FHIP1A: variants seen among roughly 807,000 people sequenced by gnomAD.
The protein encoded by FHIP1A is FHF complex subunit HOOK interacting protein 1A.
Under a neutral mutation model 88.6 loss-of-function variants are expected in FHIP1A, and 61 were observed. That is an observed-to-expected ratio of 0.69 (90% CI 0.56 to 0.85). The LOEUF is 0.85. Ranked by LOEUF, FHIP1A falls within the 40% of genes least tolerant of loss-of-function variation. The pLI, the probability that FHIP1A is intolerant of heterozygous loss-of-function variation, is 0.00. For synonymous variants in FHIP1A, 478 were observed against 496.0 expected (o/e 0.96, Z 0.48); for missense variants, 1,154 against 1,273.5 (o/e 0.91, Z 1.43).
intron 4 of FHIP1A, among the ~76,000 whole-genome samples, chr4:151,568,260 A>G (rs944653574): frequency 2.0e-5 from 3 of 152,232 alleles, no homozygotes; most frequent in African/African-American, 7.2e-5. Flanking sequence ...AGTGCAGACA[A>G]GTCTTGAGTT....
chr4:151,650,614 G>C, intron 11 of FHIP1A, 22 bp downstream of exon 11: 7 of 1,529,528 alleles, frequency 4.6e-6, no homozygotes, highest in Non-Finnish European at 6.2e-6. Flanking sequence ...AAATTGCTTT[G>C]TGGTTTCTGC....
intron 3 of FHIP1A, among the ~76,000 whole-genome samples, chr4:151,513,586 C>T (rs1580653425): frequency 6.6e-6 from 1 of 151,362 alleles, no homozygotes. Flanking sequence ...CACATAGGCT[C>T]AAAATAAAAG....
intron 7 of FHIP1A, among the ~76,000 whole-genome samples, chr4:151,603,324 AAGAG>A (rs1560793959): frequency 6.6e-6 from 1 of 151,856 alleles, no homozygotes; most frequent in African/African-American, 2.4e-5. Flanking sequence ...AAAAAAAAAA[AAGAG>A]AGATTGTAAA....
chr4:151,556,678 C>G (rs1211587760), intron 3 of FHIP1A, among the ~76,000 whole-genome samples: 1 of 152,096 alleles, frequency 6.6e-6, no homozygotes, highest in African/African-American at 2.4e-5. Flanking sequence ...TTGGCATTAT[C>G]TGCCCCCTTA....
chr4:151,589,820 T>C (rs1007368206), intron 7 of FHIP1A, among the ~76,000 whole-genome samples: 1 of 152,214 alleles, frequency 6.6e-6, no homozygotes, highest in African/African-American at 2.4e-5. Flanking sequence ...TGTTCATCCT[T>C]TACTATTTAG....
intron 2 of FHIP1A, among the ~76,000 whole-genome samples, chr4:151,472,102 TC>T (rs1373614192): frequency 1.3e-5 from 2 of 152,178 alleles, no homozygotes; most frequent in Non-Finnish European, 2.9e-5. Flanking sequence ...AGTTGTATAC[TC>T]CTTTGTCTGG....
At chr4:151,585,846 A>G (rs1734189698) in intron 5 of FHIP1A, among the ~76,000 whole-genome samples, 1 of 152,136 alleles carries the variant, frequency 6.6e-6, no homozygotes, top group Non-Finnish European at 1.5e-5. Flanking sequence ...TTTTGGATTA[A>G]TGCCAGACCG....
chr4:151,630,520 A>G (rs1331685194), intron 8 of FHIP1A, among the ~76,000 whole-genome samples: 2 of 152,184 alleles, frequency 1.3e-5, no homozygotes, highest in Non-Finnish European at 2.9e-5. Flanking sequence ...TAATATTTCT[A>G]TATTTCACTA....
At chr4:151,547,518 G>A (rs1223189022) in intron 3 of FHIP1A, among the ~76,000 whole-genome samples, 1 of 152,164 alleles carries the variant, frequency 6.6e-6, no homozygotes, top group African/African-American at 2.4e-5. Context: ...TTTAAAATAT[G>A]TGAAGCACCA....
chr4:151,504,584 TATGTTATGTTATGTTATGTTATGTC>T (rs1730761583), intron 3 of FHIP1A, among the ~76,000 whole-genome samples: 3 of 127,438 alleles, frequency 2.4e-5, no homozygotes, highest in Non-Finnish European at 3.5e-5. Flanking sequence ...TATGTTATGT[TATGTTATGTTATGTTATGTTATGTC>T]ATGTTATGTT....
At chr4:151,645,032 G>C (rs1736738511) in intron 9 of FHIP1A, among the ~76,000 whole-genome samples, 1 of 152,178 alleles carries the variant, frequency 6.6e-6, no homozygotes, top group Non-Finnish European at 1.5e-5. Context: ...CATTGCTAAA[G>C]TCCCCAAAAC....
Position 151,444,797 on chromosome 4 carries a change from A to G in FHIP1A, c.-355-9904A>G, listed in dbSNP as rs1204009202. Among the ~76,000 whole-genome samples the G allele has an allele frequency of 2.6e-5, 4 of 152,316 alleles. No homozygotes were observed. In the South Asian group the frequency reaches 6.2e-4, roughly 24 times the overall value. On this transcript the variant is annotated intron_variant, in intron 1 of 13. Transcript: ENST00000435205. ...TATTTTTACTACAGTGTAGCACTGCATTGTAAGATATACTACAATTTAATT... is the reference window on the plus strand; with the variant it reads ...TATTTTTACTACAGTGTAGCACTGCGTTGTAAGATATACTACAATTTAATT...
At chr4:151,504,253 C>G (rs1215826004) in intron 3 of FHIP1A, among the ~76,000 whole-genome samples, 1 of 152,214 alleles carries the variant, frequency 6.6e-6, no homozygotes, top group Non-Finnish European at 1.5e-5. Context: ...AATGCCTGTA[C>G]AGTTGGCTAC....
rs1324135768 is a variant in FHIP1A, at chr4:151,538,071, A to T, written c.-122-28067A>T. ...GATAAATGACTTTAACTGAGTCAGA[A>T]GCAGCAAACTTTGAGGGGTTTGTAT... On this transcript the variant is annotated intron_variant, in intron 3 of 13. Coordinates refer to ENST00000435205, the MANE Select transcript of FHIP1A (RefSeq NM_001109977.3). Among the ~76,000 whole-genome samples the T allele has an allele frequency of 2.6e-5, 4 of 152,314 alleles. No individual in the cohort carries two copies. The East Asian group carries it at 5.8e-4, about 22-fold the overall frequency.
chr4:151,425,375 A>G (rs1733324194), intron 1 of FHIP1A, among the ~76,000 whole-genome samples: 1 of 152,200 alleles, frequency 6.6e-6, no homozygotes, highest in African/African-American at 2.4e-5. Flanking sequence ...AACAGACTTA[A>G]GAGACATATT....
chr4:151,625,667 TAGA>T (rs2126871331), intron 7 of FHIP1A, among the ~76,000 whole-genome samples: 1 of 152,334 alleles, frequency 6.6e-6, no homozygotes, highest in African/African-American at 2.4e-5. Flanking sequence ...TTTGGTTTTA[TAGA>T]AGTAGAATGT....
At chr4:151,510,869 A>G (rs1731003538) in intron 3 of FHIP1A, among the ~76,000 whole-genome samples, 1 of 152,080 alleles carries the variant, frequency 6.6e-6, no homozygotes, top group African/African-American at 2.4e-5. Flanking sequence ...TTATTTATTG[A>G]TTTTTCTATT....
At chr4:151,602,286 A>C (rs1488824597) in intron 7 of FHIP1A, among the ~76,000 whole-genome samples, 1 of 152,222 alleles carries the variant, frequency 6.6e-6, no homozygotes, top group Non-Finnish European at 1.5e-5. Flanking sequence ...TAACTATTGC[A>C]GGACAGATTC....
intron 1 of FHIP1A, among the ~76,000 whole-genome samples, chr4:151,423,030 A>T (rs1733235502): frequency 1.3e-5 from 2 of 152,194 alleles, no homozygotes; most frequent in African/African-American, 4.8e-5. Flanking sequence ...TTAGTGTCTA[A>T]TGATGACACA....
Sources: gnomAD v4.1 joint callset for allele counts (sites outside exome capture counted in the v4.1 genomes callset) on GRCh38, gnomAD v4.1.1 for gene constraint, MANE v1.5 for transcripts, NCBI Gene and HGNC (gene_info 2026-07-23, HGNC 2026-07-21) for gene names.